Variants in WWTR1 observed in about 807,000 individuals in gnomAD.
The protein encoded by WWTR1 is WW domain-containing transcription regulator protein 1.
WWTR1 carries 13 observed loss-of-function variants against 40.1 expected under a neutral mutation model. That is an observed-to-expected ratio of 0.32 (90% CI 0.21 to 0.52). The LOEUF (loss-of-function observed/expected upper bound fraction) is 0.52, where lower values mean the gene tolerates loss of function less well. Ranked by LOEUF, WWTR1 falls within the 20% of genes least tolerant of loss-of-function variation. The pLI is 0.97. For synonymous variants in WWTR1, 230 were observed against 210.1 expected, an observed-to-expected ratio of 1.09 and a Z score of -0.82; for missense variants, 436 against 523.1, an observed-to-expected ratio of 0.83 and a Z score of 1.63.
intron 2 of WWTR1, among the ~76,000 whole-genome samples, chr3:149,590,377 C>T (rs530421468): frequency 2.0e-5 from 3 of 152,232 alleles, no homozygotes; most frequent in South Asian, 4.2e-4. Flanking sequence ...GGGCCGGGTG[C>T]GGTGGCTTAC....
intron 5 of WWTR1, among the ~76,000 whole-genome samples, chr3:149,527,377 C>T (rs565419040): frequency 2.9e-4 from 44 of 152,198 alleles, no homozygotes; most frequent in Non-Finnish European, 4.7e-4. Context: ...GAACTCCCAA[C>T]CTCAGGTGAT....
intron 2 of WWTR1, chr3:149,576,172 G>C: frequency 2.2e-6 from 1 of 449,218 alleles, no homozygotes; most frequent in Non-Finnish European, 4.5e-6. Flanking sequence ...GTAAGGCTGC[G>C]CTAACATGGT....
chr3:149,610,569 T>C (rs1470022227), intron 2 of WWTR1, among the ~76,000 whole-genome samples: 1 of 152,156 alleles, frequency 6.6e-6, no homozygotes, highest in Admixed American at 6.6e-5. Flanking sequence ...GAGTTGTAAA[T>C]AGTAGTTGCT....
At chr3:149,529,013 A>G (rs1735455897) in intron 4 of WWTR1, among the ~76,000 whole-genome samples, 1 of 152,256 alleles carries the variant, frequency 6.6e-6, no homozygotes, top group African/African-American at 2.4e-5. Flanking sequence ...TTCTCTAGGT[A>G]TAATCTCCAG....
chr3:149,657,493 T>C, intron 1 of WWTR1, 184 bp from the exon 2 acceptor site: 1 of 694,958 alleles, frequency 1.4e-6, no homozygotes, highest in East Asian at 2.8e-5. Flanking sequence ...GGGGGAGGGG[T>C]CCCTCCTGGC....
intron 1 of WWTR1, among the ~76,000 whole-genome samples, chr3:149,680,808 C>G (rs1048648318): frequency 6.6e-6 from 1 of 152,170 alleles, no homozygotes; most frequent in Non-Finnish European, 1.5e-5. Context: ...TGCCACTTCA[C>G]TCCAGCCTGA....
chr3:149,646,863 C>G, intron 2 of WWTR1, among the ~76,000 whole-genome samples: 1 of 152,002 alleles, frequency 6.6e-6, no homozygotes, highest in East Asian at 1.9e-4. Context: ...TTCCTCCCTC[C>G]AACAGTGTTT....
At chr3:149,594,103 A>C (rs1738860739) in intron 2 of WWTR1, among the ~76,000 whole-genome samples, 1 of 152,352 alleles carries the variant, frequency 6.6e-6, no homozygotes, top group Admixed American at 6.5e-5. Context: ...ATACTGTTCT[A>C]CAAAAATTCT....
At chr3:149,679,065 C>T (rs4681545) in intron 1 of WWTR1, among the ~76,000 whole-genome samples, 5 of 151,874 alleles carry the variant, frequency 3.3e-5, no homozygotes, top group African/African-American at 4.8e-5. Flanking sequence ...TCCTGACCTC[C>T]GGTGATCTGC....
At chr3:149,630,049 T>A (rs1711508268) in intron 2 of WWTR1, among the ~76,000 whole-genome samples, 1 of 152,110 alleles carries the variant, frequency 6.6e-6, no homozygotes, top group Admixed American at 6.6e-5. Context: ...TCTCACTATG[T>A]TGCCCAGAGT....
At chr3:149,640,902 G>A (rs1020964345) in intron 2 of WWTR1, among the ~76,000 whole-genome samples, 10 of 152,120 alleles carry the variant, frequency 6.6e-5, no homozygotes. Context: ...CTATACAGAT[G>A]TATTCTTTAT....
At chr3:149,596,931 A>G (rs1739025614) in intron 2 of WWTR1, among the ~76,000 whole-genome samples, 1 of 152,192 alleles carries the variant, frequency 6.6e-6, no homozygotes, top group Non-Finnish European at 1.5e-5. Flanking sequence ...TTTTCTACCA[A>G]TATCTATGAC....
chr3:149,713,018 ACT>A (rs1332009866), intron 5 of WWTR1, among the ~76,000 whole-genome samples: 4 of 152,140 alleles, frequency 2.6e-5, no homozygotes, highest in African/African-American at 9.7e-5. Flanking sequence ...CTCCACCCAC[ACT>A]GTCTCCCAAA....
chr3:149,632,170 C>G (rs1452207836), intron 2 of WWTR1, among the ~76,000 whole-genome samples: 1 of 152,122 alleles, frequency 6.6e-6, no homozygotes, highest in East Asian at 1.9e-4. Flanking sequence ...GATTCAGCCT[C>G]GCAAAGTACT....
Position 149,526,051 on chromosome 3 carries a change from G to A in WWTR1, c.980C>T (p.Pro327Leu), listed in dbSNP as rs1338920465. ...GLGCYSVPTT[P>L]EDFLSNVDEM... ...ATCCACATTGCTGAGGAAGTCCTCC[G>A]GAGTTGTGGGGACACTGTAGCACCC... The change falls in exon 6 of 7, where the codon CCG becomes CTG. Residue 327 changes from proline to leucine, a missense_variant. Pro to Leu is a moderately conservative substitution (Grantham distance 98). Coordinates refer to ENST00000360632, the MANE Select transcript of WWTR1 (RefSeq NM_015472.6). The A allele has an allele frequency of 1.6e-5, 25 of 1,607,768 alleles. No individual in the cohort carries two copies. The highest frequency in any genetic ancestry group is 5.1e-5 in the Admixed American group (3 of 59,332).
intron 2 of WWTR1, among the ~76,000 whole-genome samples, chr3:149,578,352 T>C (rs1446874448): frequency 1.3e-5 from 2 of 152,140 alleles, no homozygotes; most frequent in Non-Finnish European, 2.9e-5. Context: ...AAAGCAGGTC[T>C]GTTCTGGGAA....
chr3:149,560,431 C>CTCCA (rs1269681680), intron 3 of WWTR1, among the ~76,000 whole-genome samples: 1 of 152,200 alleles, frequency 6.6e-6, no homozygotes, highest in East Asian at 1.9e-4. Flanking sequence ...GTCCAGAAAC[C>CTCCA]TCCAGCATGG....
rs1035972396 is a variant in WWTR1, at chr3:149,517,513, A to AT, written c.*3291dup. 1 of 152,030 alleles carries AT rather than the reference A, an allele frequency of 6.6e-6. No individual in the cohort carries two copies. Among genetic ancestry groups the AT allele is most frequent in the Non-Finnish European group, 1.5e-5 (1 of 67,990 alleles). 9.4% of individuals were successfully genotyped at this position (152,030 alleles called of 1,614,324 possible). A position where few individuals can be genotyped will look rare whatever the true frequency, so the allele number is the denominator to read the frequency against. On this transcript the variant is annotated 3_prime_UTR_variant, in exon 7 of 7. Transcript: ENST00000360632. The stretch of plus-strand genomic sequence containing the variant: ...TACGATTTCCTTTTTTTAACAGCTT[A>AT]TTTTTTTCATAAAAGTTGTACTTTG...
chr3:149,613,063 TG>T (rs764022412), intron 2 of WWTR1, among the ~76,000 whole-genome samples: 122 of 152,326 alleles, frequency 8.0e-4, no homozygotes, highest in African/African-American at 2.8e-3. Flanking sequence ...GTGGGTAGGC[TG>T]GCAGCAGAGC....
Sources: gnomAD v4.1 joint callset for allele counts (sites outside exome capture counted in the v4.1 genomes callset) on GRCh38, gnomAD v4.1.1 for gene constraint, MANE v1.5 for transcripts, NCBI Gene and HGNC (gene_info 2026-07-23, HGNC 2026-07-21) for gene names.